CCDC148: variants seen among roughly 807,000 people sequenced by gnomAD.
CCDC148 encodes coiled-coil domain containing 148, also known as coiled-coil domain-containing protein 148.
CCDC148 carries 89 observed loss-of-function variants against 85.7 expected under a neutral mutation model. The ratio of observed to expected loss-of-function variants is 1.04; its 90% CI spans 0.87 to 1.24. CCDC148 has a LOEUF of 1.24. Ranked by LOEUF, CCDC148 falls within the 50% of genes most tolerant of loss-of-function variation. The pLI, the probability that CCDC148 is intolerant of heterozygous loss-of-function variation, is 0.00. For missense variants in CCDC148, 692 were observed against 671.7 expected, an observed-to-expected ratio of 1.03 and a Z score of -0.33; for synonymous variants, 230 against 213.9, an observed-to-expected ratio of 1.08 and a Z score of -0.66.
chr2:158,242,846 A>G (rs1433245792), intron 10 of CCDC148, among the ~76,000 whole-genome samples: 1 of 152,100 alleles, frequency 6.6e-6, no homozygotes, highest in Non-Finnish European at 1.5e-5. Context: ...TTGAGCCTTT[A>G]GTGAAATATC....
intron 11 of CCDC148, among the ~76,000 whole-genome samples, chr2:158,183,434 A>G (rs1685002729): frequency 6.6e-6 from 1 of 152,118 alleles, no homozygotes. Flanking sequence ...GCAAAATGAT[A>G]AGTACCAAAT....
intron 9 of CCDC148, among the ~76,000 whole-genome samples, chr2:158,294,296 T>C (rs1435127577): frequency 6.6e-6 from 1 of 152,134 alleles, no homozygotes; most frequent in Non-Finnish European, 1.5e-5. Context: ...TTCCATTGTA[T>C]GGAAGTATCA....
intron 11 of CCDC148, 86 bp from the exon 12 acceptor site, chr2:158,179,082 T>A: frequency 1.2e-6 from 1 of 869,556 alleles, no homozygotes; most frequent in Non-Finnish European, 1.8e-6. Flanking sequence ...GCAGAACACA[T>A]CTCAGAGGTA....
At chr2:158,398,079 A>G (rs1433178475) in intron 1 of CCDC148, among the ~76,000 whole-genome samples, 1 of 152,186 alleles carries the variant, frequency 6.6e-6, no homozygotes, top group Non-Finnish European at 1.5e-5. Context: ...AGAGCTAACT[A>G]TCCTAAATAT....
At chr2:158,273,890 T>C (rs1322459351) in intron 9 of CCDC148, among the ~76,000 whole-genome samples, 2 of 151,988 alleles carry the variant, frequency 1.3e-5, no homozygotes, top group Admixed American at 1.3e-4. Context: ...ATATTACAAG[T>C]GCTTAGGAAA....
chr2:158,220,757 T>G, intron 10 of CCDC148, 44 bp from the exon 11 acceptor site: 2 of 1,425,386 alleles, frequency 1.4e-6, no homozygotes, highest in East Asian at 2.4e-5. Context: ...ACAACAGATA[T>G]GTAAAAATGA....
At chr2:158,315,081 A>G (rs1158877019) in intron 7 of CCDC148, among the ~76,000 whole-genome samples, 1 of 152,226 alleles carries the variant, frequency 6.6e-6, no homozygotes, top group East Asian at 1.9e-4. Flanking sequence ...TTCTACCAGG[A>G]AGAGGAATAC....
intron 10 of CCDC148, among the ~76,000 whole-genome samples, chr2:158,236,830 T>G (rs1688128778): frequency 6.6e-6 from 1 of 152,166 alleles, no homozygotes; most frequent in Non-Finnish European, 1.5e-5. Flanking sequence ...GTGCCAGCAC[T>G]GGGGCTAAAG....
chr2:158,307,963 CGT>C (rs1691776598), intron 9 of CCDC148, among the ~76,000 whole-genome samples: 1 of 151,940 alleles, frequency 6.6e-6, no homozygotes, highest in South Asian at 2.1e-4. Flanking sequence ...CATGGGTATG[CGT>C]GTGTGTCATA....
At chr2:158,385,135 T>C (rs1232232662) in intron 1 of CCDC148, among the ~76,000 whole-genome samples, 1 of 152,146 alleles carries the variant, frequency 6.6e-6, no homozygotes. Context: ...CTCATGCCAA[T>C]TCCTTCTCAT....
intron 11 of CCDC148, among the ~76,000 whole-genome samples, chr2:158,196,467 TCCAGTGC>T (rs1685674773): frequency 6.6e-6 from 1 of 152,144 alleles, no homozygotes; most frequent in Non-Finnish European, 1.5e-5. Context: ...GTTAAATATG[TCCAGTGC>T]ATTATTTGCT....
At chr2:158,288,646 T>C (rs1488587966) in intron 9 of CCDC148, 3 of 223,596 alleles carry the variant, frequency 1.3e-5, no homozygotes, top group South Asian at 5.0e-5. Context: ...AAAAAGTCTC[T>C]AGGAGGTTCC....
At chr2:158,197,908 TAATC>T (rs975812429) in intron 11 of CCDC148, among the ~76,000 whole-genome samples, 2 of 130,738 alleles carry the variant, frequency 1.5e-5, no homozygotes, top group Non-Finnish European at 3.0e-5. Context: ...TCTAATGAAT[TAATC>T]AATTAATTCT....
At chr2:158,366,486 A>C (rs976794151) in intron 1 of CCDC148, among the ~76,000 whole-genome samples, 1 of 152,216 alleles carries the variant, frequency 6.6e-6, no homozygotes, top group Non-Finnish European at 1.5e-5. Context: ...GCCAGATCAA[A>C]GGACTCGCTG....
chr2:158,222,993 C>T lies in CCDC148; in HGVS notation c.1252-2280G>A, dbSNP rs1181836687. On this transcript the variant is annotated intron_variant, in intron 10 of 13. Coordinates refer to ENST00000283233, the MANE Select transcript of CCDC148 (RefSeq NM_138803.4). ...GTGCAGGACAGTGGGTGCAGTGCAC[C>T]GAGCATGAGCCGAAGCAGCGTGAGG... Among the ~76,000 whole-genome samples the T allele has an allele frequency of 5.3e-5, 8 of 152,170 alleles. No individual in the cohort carries two copies. In the South Asian group the frequency reaches 8.3e-4, roughly 16 times the overall value.
intron 1 of CCDC148, among the ~76,000 whole-genome samples, chr2:158,449,460 T>TA (rs1252778697): frequency 1.3e-5 from 2 of 151,408 alleles, no homozygotes; most frequent in Non-Finnish European, 3.0e-5. Context: ...GTTTCTTTTT[T>TA]TTTTTCCGAG....
chr2:158,222,614 G>T (rs767191178), intron 10 of CCDC148, among the ~76,000 whole-genome samples: 28 of 152,040 alleles, frequency 1.8e-4, no homozygotes, highest in Non-Finnish European at 3.1e-4. Context: ...TTGAGTGAAG[G>T]ATACTCATAT....
intron 9 of CCDC148, among the ~76,000 whole-genome samples, chr2:158,280,314 T>G (rs1034105186): frequency 1.3e-5 from 2 of 152,182 alleles, no homozygotes; most frequent in African/African-American, 4.8e-5. Flanking sequence ...ATGCTCCAAT[T>G]AAAAGACACA....
At chr2:158,284,016 T>C (rs1574544975) in intron 9 of CCDC148, among the ~76,000 whole-genome samples, 1 of 149,292 alleles carries the variant, frequency 6.7e-6, no homozygotes, top group South Asian at 2.1e-4. Flanking sequence ...CTCAGTAAAC[T>C]ATCGTAAGAA....
Sources: allele counts gnomAD v4.1 joint callset (sites outside exome capture counted in the v4.1 genomes callset), GRCh38; gene constraint gnomAD v4.1.1; transcripts MANE v1.5; gene names NCBI Gene and HGNC (gene_info 2026-07-23, HGNC 2026-07-21).